Variants in NSG2 observed in about 807,000 individuals in gnomAD.
NSG2 encodes the protein neuronal vesicle trafficking associated 2.
In NSG2, 4 loss-of-function variants were observed where a neutral mutation model predicts 16.9. The ratio of observed to expected loss-of-function variants is 0.24; its 90% CI spans 0.12 to 0.54. NSG2 has a LOEUF of 0.54. NSG2 is among the 20% of genes least tolerant of loss of function. NSG2 has a pLI of 0.95. For missense variants in NSG2, 179 were observed against 221.1 expected (o/e 0.81, Z 1.21); for synonymous variants, 98 against 88.7 (o/e 1.11, Z -0.59).
chr5:174,055,491 G>A (rs1032752977), intron 2 of NSG2, among the ~76,000 whole-genome samples: 21 of 152,166 alleles, frequency 1.4e-4, no homozygotes, highest in East Asian at 1.4e-3. Context: ...CCAGCTACTC[G>A]GGAGGCTGAG....
Position 174,046,824 on chromosome 5 carries a change from G to C in NSG2, c.69G>C (p.Gln23His). The change falls in exon 2 of 5, where the codon CAG becomes CAC. Residue 23 changes from glutamine to histidine, a missense_variant. By Grantham distance (24) the Gln-to-His change is conservative (BLOSUM62 0). Transcript: ENST00000303177. ...TKPPSVEDGF[Q>H]TVPLITPLEV... ...CGCCTTCAGTTGAGGATGGCTTCCAGACCGTCCCTCTCATCACTCCCTTGG... is the reference window on the plus strand; with the variant it reads ...CGCCTTCAGTTGAGGATGGCTTCCACACCGTCCCTCTCATCACTCCCTTGG... 6.2e-7 allele frequency: 1 copy of C among 1,614,116 alleles called. No individual in the cohort carries two copies. The highest frequency in any genetic ancestry group is 8.5e-7 in the Non-Finnish European group (1 of 1,180,038).
chr5:174,088,328 C>T (rs1760666611), intron 3 of NSG2, among the ~76,000 whole-genome samples: 1 of 152,156 alleles, frequency 6.6e-6, no homozygotes, highest in South Asian at 2.1e-4. Flanking sequence ...CGTCTGTCCC[C>T]AGAGGCTATA....
In NSG2 at chr5:174,058,372, A is replaced by C. The variant is rs181741882; in HGVS notation, c.130-5860A>C. Among the ~76,000 whole-genome samples, 705 of 152,320 alleles carry C rather than the reference A, an allele frequency of 4.6e-3. 2 individuals are homozygous for C. Among genetic ancestry groups the C allele is most frequent in the Non-Finnish European group, 8.3e-3 (565 of 68,022 alleles). On this transcript the variant is annotated intron_variant, in intron 2 of 4. Coordinates refer to ENST00000303177, the MANE Select transcript of NSG2 (RefSeq NM_015980.5). ...CTTGAACCCAAAAGGTAGAGGTTGC[A>C]GTGAGCTGAGATCATGCCACTGCAC...
intron 2 of NSG2, among the ~76,000 whole-genome samples, chr5:174,058,836 A>G (rs1760005183): frequency 6.6e-6 from 1 of 152,262 alleles, no homozygotes; most frequent in South Asian, 2.1e-4. Context: ...ATTGTGTAGC[A>G]GCCTGAGTTG....
intron 3 of NSG2, among the ~76,000 whole-genome samples, chr5:174,084,918 T>A (rs1400890119): frequency 6.6e-6 from 1 of 152,224 alleles, no homozygotes; most frequent in Non-Finnish European, 1.5e-5. Flanking sequence ...ACTGGATAAT[T>A]TTCTTGTCTT....
At position 174,084,816 on chromosome 5, in the gene NSG2, A is replaced by G. The variant is rs545580646; in HGVS notation, c.214-19412A>G. 1.2e-4 allele frequency among the ~76,000 whole-genome samples: 19 copies of G among 152,336 alleles called. 1 individual carries two copies. Among genetic ancestry groups the G allele is most frequent in the Middle Eastern group, 3.4e-3 (1 of 294 alleles). The stretch of plus-strand genomic sequence containing the variant: ...CGGCAGGCAGATCGGCTGAGGGAAG[A>G]TAATTTCATTAGGTTCCAGGCTCTT... On this transcript the variant is annotated intron_variant, in intron 3 of 4. Transcript: ENST00000303177.
intron 3 of NSG2, among the ~76,000 whole-genome samples, chr5:174,095,420 T>G (rs956475778): frequency 6.6e-6 from 1 of 152,158 alleles, no homozygotes; most frequent in Non-Finnish European, 1.5e-5. Context: ...TCCTTTCCTC[T>G]TTGGGCTTGT....
At chr5:174,070,003 A>G (rs12518002) in intron 3 of NSG2, among the ~76,000 whole-genome samples, 23,843 of 151,144 alleles carry the variant, frequency 0.16, 2,461 homozygotes, top group African/African-American at 0.29. Flanking sequence ...TTAGCCTCCC[A>G]AAGAGCTGGG....
At chr5:174,093,158 T>C (rs1012972037) in intron 3 of NSG2, among the ~76,000 whole-genome samples, 12 of 152,150 alleles carry the variant, frequency 7.9e-5, no homozygotes, top group African/African-American at 2.7e-4. Flanking sequence ...TTTCCATCTA[T>C]CTCTGATACA....
At chr5:174,080,521 TTCTTTCTCTC>T (rs1289988254) in intron 3 of NSG2, among the ~76,000 whole-genome samples, 1 of 86,856 alleles carries the variant, frequency 1.2e-5, no homozygotes, top group Admixed American at 1.1e-4. Flanking sequence ...CCCTCTTTCT[TTCTTTCTCTC>T]TCTCTCTCTC....
At chr5:174,061,273 A>C (rs1256278604) in intron 2 of NSG2, among the ~76,000 whole-genome samples, 1 of 152,214 alleles carries the variant, frequency 6.6e-6, no homozygotes, top group East Asian at 1.9e-4. Context: ...CCACTTCATA[A>C]TCTGACAGTT....
chr5:174,067,035 T>G lies in NSG2; in HGVS notation c.213+2720T>G, dbSNP rs6859279. Among the ~76,000 whole-genome samples the G allele has an allele frequency of 4.3e-3, 619 of 145,414 alleles. 6 individuals carry two copies. The highest frequency in any genetic ancestry group is 0.015 in the African/African-American group (575 of 39,254). On this transcript the variant is annotated intron_variant, in intron 3 of 4. Transcript: ENST00000303177. Reference sequence around the variant, plus strand: ...AAAAAAAGAAATGATGGCTGTGAAGTGCAATAATTTGGGCAAATACTTAAA... The same window carrying G: ...AAAAAAAGAAATGATGGCTGTGAAGGGCAATAATTTGGGCAAATACTTAAA...
At chr5:174,088,559 C>CT (rs1760669927) in intron 3 of NSG2, among the ~76,000 whole-genome samples, 1 of 152,152 alleles carries the variant, frequency 6.6e-6, no homozygotes, top group Admixed American at 6.5e-5. Flanking sequence ...TAAATGCAGT[C>CT]TGTTTGGCAT....
rs1266047831 is a variant in NSG2, at chr5:174,047,697, C to T, written c.129+813C>T. Among the ~76,000 whole-genome samples, 4 of 152,148 alleles carry T rather than the reference C, an allele frequency of 2.6e-5. No individual in the cohort carries two copies. The East Asian group carries it at 7.7e-4, about 29-fold the overall frequency. On this transcript the variant is annotated intron_variant, in intron 2 of 4. Transcript: ENST00000303177. ...GAGTGACTGGCTGATGGCACATCTCCTGACATGGGAGTAGTCCATGAAGAA... is the reference window on the plus strand; with the variant it reads ...GAGTGACTGGCTGATGGCACATCTCTTGACATGGGAGTAGTCCATGAAGAA...
At chr5:174,097,407 G>A (rs1220242313) in intron 3 of NSG2, among the ~76,000 whole-genome samples, 1 of 151,548 alleles carries the variant, frequency 6.6e-6, no homozygotes, top group African/African-American at 2.4e-5. Context: ...ACCTGCACAC[G>A]GCACGGTTTG....
chr5:174,086,322 G>A (rs1760620522), intron 3 of NSG2: 1 of 152,234 alleles, frequency 6.6e-6, no homozygotes, highest in African/African-American at 2.4e-5. Context: ...CTTAATGCAA[G>A]TAACAAAAGA....
intron 3 of NSG2, 52 bp downstream of exon 3, chr5:174,064,367 C>G (rs766597089): frequency 7.6e-7 from 1 of 1,320,576 alleles, no homozygotes; most frequent in Non-Finnish European, 1.1e-6. Flanking sequence ...CTGGCTCCAG[C>G]CAGCTCAGCA....
At chr5:174,057,163 G>C (rs12521231) in intron 2 of NSG2, among the ~76,000 whole-genome samples, 21,330 of 152,122 alleles carry the variant, frequency 0.14, 2,088 homozygotes, top group African/African-American at 0.27. Flanking sequence ...AGAATAAAAA[G>C]AGTAGGAGAA....
rs370363306 is a variant in NSG2 at position 174,093,566 on chromosome 5, A to G, written c.214-10662A>G. Among the ~76,000 whole-genome samples the G allele has an allele frequency of 1.8e-4, 27 of 152,306 alleles. No homozygotes were observed. The East Asian group carries it at 2.9e-3, about 16-fold the overall frequency. ...AAGAACCCAGGTGTCATCTGGGCAG[A>G]ATTTACAGAGGTTGCAACCCCTTTG... On this transcript the variant is annotated intron_variant, in intron 3 of 4. Transcript: ENST00000303177.
Sources: allele counts gnomAD v4.1 joint callset (sites outside exome capture counted in the v4.1 genomes callset), GRCh38; gene constraint gnomAD v4.1.1; transcripts MANE v1.5; gene names NCBI Gene and HGNC (gene_info 2026-07-23, HGNC 2026-07-21).